Variants in CTNNA3 observed in about 807,000 individuals in gnomAD.
CTNNA3 encodes the protein catenin alpha-3.
CTNNA3 carries 76 observed loss-of-function variants against 95.7 expected under a neutral mutation model. The observed-to-expected ratio is 0.79, with a 90% CI of 0.66 to 0.96. CTNNA3 has a LOEUF of 0.96. Among genes scored for constraint, CTNNA3 ranks in the 40% least tolerant of loss-of-function variants. The pLI, the probability that CTNNA3 is intolerant of heterozygous loss-of-function variation, is 0.00. For synonymous variants in CTNNA3, 431 were observed against 374.4 expected (o/e 1.15, Z -1.74); for missense variants, 1,191 against 1,089.8 (o/e 1.09, Z -1.31).
chr10:67,194,306 C>T (rs530917618), intron 6 of CTNNA3, among the ~76,000 whole-genome samples: 149 of 152,020 alleles, frequency 9.8e-4, no homozygotes, highest in African/African-American at 3.2e-3. Flanking sequence ...AAAACTTGGA[C>T]GCAACCAAGA....
intron 5 of CTNNA3, among the ~76,000 whole-genome samples, chr10:67,240,987 C>A (rs1865699739): frequency 6.6e-6 from 1 of 152,056 alleles, no homozygotes; most frequent in South Asian, 2.1e-4. Context: ...CCATCTGCCG[C>A]ATGATTAAAA....
intron 4 of CTNNA3, among the ~76,000 whole-genome samples, chr10:67,528,795 T>C (rs1840227254): frequency 6.6e-6 from 1 of 152,162 alleles, no homozygotes; most frequent in Non-Finnish European, 1.5e-5. Flanking sequence ...AAAATAACCA[T>C]TTGCTGAGGT....
At position 67,007,078 on chromosome 10, in the gene CTNNA3, G is replaced by A. The variant is rs1347780237; in HGVS notation, c.1047+173239C>T. Among the ~76,000 whole-genome samples, 5 of 152,154 alleles carry A rather than the reference G, an allele frequency of 3.3e-5. No homozygotes were observed. The East Asian group carries it at 9.6e-4, about 29-fold the overall frequency. ...CCCAAAGTGCTGGGATTACAGGCGT[G>A]AGCCACCACACCCAGCTTACAGTCT... On this transcript the variant is annotated intron_variant, in intron 7 of 17. Coordinates refer to ENST00000433211, the MANE Select transcript of CTNNA3 (RefSeq NM_013266.4).
At chr10:66,516,204 G>T (rs1840852014) in intron 11 of CTNNA3, among the ~76,000 whole-genome samples, 2 of 152,006 alleles carry the variant, frequency 1.3e-5, no homozygotes, top group Admixed American at 6.6e-5. Context: ...GAGAGAAGAT[G>T]CCATAATCTG....
At chr10:66,066,153 G>T (rs961574094) in intron 15 of CTNNA3, among the ~76,000 whole-genome samples, 2 of 151,942 alleles carry the variant, frequency 1.3e-5, no homozygotes, top group African/African-American at 2.4e-5. Flanking sequence ...GTGAGCCACC[G>T]CACCTAGCCA....
chr10:66,077,827 G>A lies in CTNNA3; in HGVS notation c.1978-8338C>T, dbSNP rs192083552. ...ATTGCAATATATATTTTATCCAGAA[G>A]GTGAAGATCCAAGCCTTTATACTCT... On this transcript the variant is annotated intron_variant, in intron 14 of 17. Transcript: ENST00000433211. Among the ~76,000 whole-genome samples, 391 of 151,658 alleles carry A rather than the reference G, an allele frequency of 2.6e-3. 6 individuals are homozygous for A. The highest frequency in any genetic ancestry group is 9.1e-3 in the African/African-American group (378 of 41,460).
At chr10:66,181,645 C>T (rs1226058679) in intron 13 of CTNNA3, among the ~76,000 whole-genome samples, 1 of 152,172 alleles carries the variant, frequency 6.6e-6, no homozygotes, top group African/African-American at 2.4e-5. Flanking sequence ...GGTATTTGCA[C>T]AGTGGCTAAG....
chr10:67,633,975 G>A (rs1839227326), intron 2 of CTNNA3, among the ~76,000 whole-genome samples: 1 of 152,120 alleles, frequency 6.6e-6, no homozygotes, highest in African/African-American at 2.4e-5. Context: ...AGGGAATGCA[G>A]AGAACCCCAG....
At chr10:67,726,783 AAT>A (rs1478351913) in intron 1 of CTNNA3, among the ~76,000 whole-genome samples, 1 of 104,856 alleles carries the variant, frequency 9.5e-6, no homozygotes, top group Non-Finnish European at 1.7e-5. Flanking sequence ...ATCATATATA[AAT>A]ATATATGATA....
chr10:66,229,991 G>A (rs1000591527), intron 13 of CTNNA3, among the ~76,000 whole-genome samples: 1 of 149,930 alleles, frequency 6.7e-6, no homozygotes, highest in African/African-American at 2.5e-5. Context: ...TTTTTTTTCT[G>A]CTTAATTCAG....
chr10:65,977,254 A>G (rs7075380), intron 16 of CTNNA3, among the ~76,000 whole-genome samples: 2,205 of 152,208 alleles, frequency 0.014, 56 homozygotes, highest in African/African-American at 0.051. Flanking sequence ...AGCAGATGGC[A>G]TTTCAGCCTA....
chr10:66,117,436 T>C (rs968135845), intron 13 of CTNNA3, among the ~76,000 whole-genome samples: 1 of 152,160 alleles, frequency 6.6e-6, no homozygotes, highest in African/African-American at 2.4e-5. Flanking sequence ...TCATTTTTAA[T>C]CAATTAATAT....
intron 17 of CTNNA3, among the ~76,000 whole-genome samples, chr10:65,944,424 A>G (rs2077478423): frequency 6.6e-6 from 1 of 152,252 alleles, no homozygotes; most frequent in Non-Finnish European, 1.5e-5. Context: ...TTGGAAAAAC[A>G]GCTATACAAA....
intron 8 of CTNNA3, among the ~76,000 whole-genome samples, chr10:66,774,514 TCA>T (rs1351698921): frequency 5.3e-5 from 8 of 152,150 alleles, no homozygotes; most frequent in Non-Finnish European, 1.2e-4. Context: ...ACTGAGATTT[TCA>T]CAGACTTCAA....
intron 6 of CTNNA3, among the ~76,000 whole-genome samples, chr10:67,208,034 G>A (rs1863977704): frequency 6.6e-6 from 1 of 152,064 alleles, no homozygotes; most frequent in Non-Finnish European, 1.5e-5. Context: ...AACATAATTA[G>A]TATAATTAAT....
chr10:66,517,178 G>A (rs2660043), intron 11 of CTNNA3, among the ~76,000 whole-genome samples: 36,002 of 151,856 alleles, frequency 0.24, 5,801 homozygotes, highest in East Asian at 0.79. Context: ...CCAAGATTGC[G>A]CCACTGCACT....
intron 9 of CTNNA3, among the ~76,000 whole-genome samples, chr10:66,685,294 T>TGTATATATATATAC (rs1554835152): frequency 1.2e-3 from 109 of 88,744 alleles, no homozygotes; most frequent in Non-Finnish European, 1.6e-3. Context: ...AGTATATATA[T>TGTATATATATATAC]GTGTGTATAT....
intron 9 of CTNNA3, among the ~76,000 whole-genome samples, chr10:66,734,361 A>AAAT (rs1335991241): frequency 6.6e-6 from 1 of 152,014 alleles, no homozygotes. Context: ...GAACTATATA[A>AAAT]AATAATAATA....
intron 5 of CTNNA3, among the ~76,000 whole-genome samples, chr10:67,460,127 T>C (rs560237495): frequency 1.8e-4 from 27 of 152,294 alleles, no homozygotes; most frequent in African/African-American, 6.3e-4. Flanking sequence ...ACTGTACATA[T>C]TCAACATAGG....
Sources: gnomAD v4.1 joint callset for allele counts (sites outside exome capture counted in the v4.1 genomes callset) on GRCh38, gnomAD v4.1.1 for gene constraint, MANE v1.5 for transcripts, NCBI Gene and HGNC (gene_info 2026-07-23, HGNC 2026-07-21) for gene names.